The following AFF4 variants were observed in gnomAD, a reference collection of about 807,000 sequenced individuals.
The protein encoded by AFF4 is ALF transcription elongation factor 4.
A neutral mutation model predicts 124.8 loss-of-function variants in AFF4; 13 were observed. The ratio of observed to expected loss-of-function variants is 0.10; its 90% confidence interval spans 0.07 to 0.17. The LOEUF is 0.17. Among genes scored for constraint, AFF4 ranks in the 10% least tolerant of loss-of-function variants. The probability of loss-of-function intolerance (pLI) is 1.00; values close to 1 mark genes in which losing one functional copy is unlikely to be tolerated. For missense variants in AFF4, 1,092 were observed against 1,403.8 expected, an observed-to-expected ratio of 0.78 and a Z score of 3.55; for synonymous variants, 477 against 496.1, an observed-to-expected ratio of 0.96 and a Z score of 0.51.
intron 20 of AFF4, among the ~76,000 whole-genome samples, chr5:132,881,854 T>TG (rs2150062342): frequency 6.7e-6 from 1 of 148,566 alleles, no homozygotes; most frequent in South Asian, 2.2e-4. Context: ...TTAGTAGAGA[T>TG]GGGGTTTCAC....
chr5:132,882,484 T>C (rs1177942380), intron 20 of AFF4, among the ~76,000 whole-genome samples: 1 of 152,216 alleles, frequency 6.6e-6, no homozygotes, highest in Non-Finnish European at 1.5e-5. Flanking sequence ...TCAAAGACTT[T>C]ATAATTCTCC....
intron 5 of AFF4, among the ~76,000 whole-genome samples, chr5:132,919,245 A>C (rs184325889): frequency 2.6e-4 from 39 of 152,340 alleles, no homozygotes; most frequent in Non-Finnish European, 4.9e-4. Context: ...GAAAAACACT[A>C]ATATAATTTG....
intron 1 of AFF4, among the ~76,000 whole-genome samples, chr5:132,952,560 G>A (rs1397505744): frequency 6.6e-6 from 1 of 152,052 alleles, no homozygotes; most frequent in Non-Finnish European, 1.5e-5. Flanking sequence ...TCTTATTCTC[G>A]TTCATTTTAT....
chr5:132,952,087 G>C (rs760247431), intron 1 of AFF4, among the ~76,000 whole-genome samples: 3 of 152,154 alleles, frequency 2.0e-5, no homozygotes, highest in Non-Finnish European at 2.9e-5. Context: ...AATGCTAAAT[G>C]ATCATTTTTA....
intron 7 of AFF4, among the ~76,000 whole-genome samples, chr5:132,901,930 A>G (rs927242328): frequency 1.3e-5 from 2 of 152,232 alleles, no homozygotes; most frequent in African/African-American, 4.8e-5. Context: ...CTGCTTTCAT[A>G]CTACAGATGG....
At chr5:132,886,271 G>C in intron 18 of AFF4, 39 bp downstream of exon 18, 2 of 1,578,692 alleles carry the variant, frequency 1.3e-6, no homozygotes, top group Non-Finnish European at 1.7e-6. Flanking sequence ...TACAAATTCT[G>C]TCTCCTAGGA....
intron 5 of AFF4, among the ~76,000 whole-genome samples, chr5:132,917,202 A>T (rs539309466): frequency 3.4e-4 from 52 of 152,310 alleles, no homozygotes; most frequent in Non-Finnish European, 6.3e-4. Context: ...TACAGGTGTG[A>T]GCCACCACGC....
intron 8 of AFF4, 65 bp from the exon 9 acceptor site, chr5:132,899,206 AT>A (rs1402131227): frequency 6.8e-7 from 1 of 1,471,622 alleles, no homozygotes; most frequent in Non-Finnish European, 9.4e-7. Flanking sequence ...CTTAGTGTGA[AT>A]AATATCTGAA....
chr5:132,904,161 G>T, intron 6 of AFF4: 1 of 485,688 alleles, frequency 2.1e-6, no homozygotes. Flanking sequence ...GTAGGCTGAG[G>T]CAGGAGGATC....
intron 5 of AFF4, among the ~76,000 whole-genome samples, chr5:132,921,564 C>G (rs1211597469): frequency 6.6e-6 from 1 of 150,970 alleles, no homozygotes; most frequent in African/African-American, 2.4e-5. Context: ...CACCTCCCAG[C>G]TTCAAGTGAT....
At chr5:132,956,288 C>T (rs988947798) in intron 1 of AFF4, among the ~76,000 whole-genome samples, 6 of 152,046 alleles carry the variant, frequency 3.9e-5, no homozygotes, top group Admixed American at 2.6e-4. Flanking sequence ...AAAAAACAAA[C>T]GGGTGTGCTG....
intron 6 of AFF4, among the ~76,000 whole-genome samples, chr5:132,902,710 T>G (rs1360796388): frequency 6.6e-6 from 1 of 152,190 alleles, no homozygotes; most frequent in Non-Finnish European, 1.5e-5. Flanking sequence ...CATACGATCT[T>G]CTTGAAGGGC....
intron 11 of AFF4, 25 bp downstream of exon 11, chr5:132,896,294 AAAAC>A (rs1561484183): frequency 6.5e-7 from 1 of 1,543,112 alleles, no homozygotes; most frequent in Non-Finnish European, 8.7e-7. Flanking sequence ...CTGATGTTTC[AAAAC>A]AAACAACAAA....
chr5:132,882,784 G>A (rs551143177), intron 20 of AFF4, among the ~76,000 whole-genome samples: 6 of 150,814 alleles, frequency 4.0e-5, no homozygotes, highest in Admixed American at 1.3e-4. Context: ...AAACCGGAAG[G>A]TGGAAGCTGC....
intron 20 of AFF4, among the ~76,000 whole-genome samples, chr5:132,882,873 A>AAAT (rs1760019048): frequency 1.3e-5 from 2 of 149,996 alleles, no homozygotes; most frequent in Non-Finnish European, 3.0e-5. Context: ...AAAAAAAAAA[A>AAAT]TTTCTATTCA....
chr5:132,882,945 T>C (rs557921659), intron 20 of AFF4, among the ~76,000 whole-genome samples: 1 of 152,226 alleles, frequency 6.6e-6, no homozygotes, highest in East Asian at 1.9e-4. Flanking sequence ...AGTATGAGCA[T>C]GCTTTCTTAT....
chr5:132,905,030 C>A (rs1373015680), intron 5 of AFF4, among the ~76,000 whole-genome samples: 1 of 129,844 alleles, frequency 7.7e-6, no homozygotes, highest in Non-Finnish European at 1.6e-5. Context: ...AGCCTGGCAA[C>A]AGGGCGAGAC....
intron 5 of AFF4, among the ~76,000 whole-genome samples, chr5:132,914,511 G>C (rs1312402774): frequency 1.3e-5 from 2 of 151,500 alleles, no homozygotes; most frequent in African/African-American, 4.9e-5. Context: ...TGAGGCAGGA[G>C]AATCGCTTGA....
intron 1 of AFF4, among the ~76,000 whole-genome samples, chr5:132,946,756 T>C (rs950594710): frequency 6.6e-6 from 1 of 152,222 alleles, no homozygotes; most frequent in Non-Finnish European, 1.5e-5. Flanking sequence ...CACTGAATTG[T>C]ATATGTAAAA....
Sources: gnomAD v4.1 joint callset for allele counts (sites outside exome capture counted in the v4.1 genomes callset) on GRCh38, gnomAD v4.1.1 for gene constraint, MANE v1.5 for transcripts, NCBI Gene and HGNC (gene_info 2026-07-23, HGNC 2026-07-21) for gene names.